ESRRG: variants seen among roughly 807,000 people sequenced by gnomAD.
ESRRG encodes estrogen-related receptor gamma.
A neutral mutation model predicts 44.0 loss-of-function variants in ESRRG; 13 were observed. The observed-to-expected ratio is 0.30, with a 90% CI of 0.19 to 0.47. The LOEUF (loss-of-function observed/expected upper bound fraction) is 0.47. Ranked by LOEUF, ESRRG falls within the 20% of genes least tolerant of loss-of-function variation. ESRRG has a pLI of 1.00. For missense variants in ESRRG, 395 were observed against 580.6 expected (o/e 0.68, Z 3.29); for synonymous variants, 215 against 214.6 (o/e 1.00, Z -0.02).
intron 2 of ESRRG, among the ~76,000 whole-genome samples, chr1:216,784,664 T>C (rs2094059032): frequency 1.3e-5 from 2 of 152,120 alleles, no homozygotes; most frequent in Admixed American, 1.3e-4. Flanking sequence ...ATCAATGTTT[T>C]ACTGAGCACA....
At chr1:216,538,668 T>C (rs560676685) in intron 5 of ESRRG, among the ~76,000 whole-genome samples, 1 of 152,034 alleles carries the variant, frequency 6.6e-6, no homozygotes, top group Non-Finnish European at 1.5e-5. Context: ...TTAAATGAAC[T>C]CTACCCATCT....
At chr1:216,655,047 G>A (rs973470718) in intron 2 of ESRRG, among the ~76,000 whole-genome samples, 1 of 152,142 alleles carries the variant, frequency 6.6e-6, no homozygotes, top group African/African-American at 2.4e-5. Context: ...AATGATATGA[G>A]AGTTTTAGAT....
At chr1:216,699,925 T>C (rs2081051991) in intron 1 of ESRRG, among the ~76,000 whole-genome samples, 1 of 152,236 alleles carries the variant, frequency 6.6e-6, no homozygotes, top group Non-Finnish European at 1.5e-5. Context: ...TTTAAAGGAA[T>C]TCCTATTTCT....
At chr1:217,065,208 T>C (rs2089428394) in intron 1 of ESRRG, among the ~76,000 whole-genome samples, 2 of 152,238 alleles carry the variant, frequency 1.3e-5, no homozygotes, top group South Asian at 4.1e-4. Flanking sequence ...TTTCCAGCTT[T>C]TGATGGCAAC....
At chr1:216,769,329 T>C (rs2093276731) in intron 2 of ESRRG, among the ~76,000 whole-genome samples, 1 of 152,148 alleles carries the variant, frequency 6.6e-6, no homozygotes, top group Non-Finnish European at 1.5e-5. Context: ...CATTGAATAA[T>C]GGGTTTTCAC....
intron 2 of ESRRG, among the ~76,000 whole-genome samples, chr1:216,811,430 CA>C (rs996978982): frequency 6.6e-6 from 1 of 151,856 alleles, no homozygotes; most frequent in African/African-American, 2.4e-5. Context: ...TAACAATGCT[CA>C]AAAAAAATCA....
At chr1:216,622,963 C>A (rs1280966660) in intron 3 of ESRRG, among the ~76,000 whole-genome samples, 1 of 151,324 alleles carries the variant, frequency 6.6e-6, no homozygotes, top group African/African-American at 2.4e-5. Flanking sequence ...TAGAAGATAT[C>A]ATCATGTTTA....
intron 2 of ESRRG, among the ~76,000 whole-genome samples, chr1:216,815,538 T>C (rs1351939531): frequency 6.6e-6 from 1 of 152,198 alleles, no homozygotes; most frequent in Non-Finnish European, 1.5e-5. Flanking sequence ...CTCTCTCCTT[T>C]TGGGGCTCTG....
At chr1:216,959,895 G>A (rs144769487) in intron 1 of ESRRG, among the ~76,000 whole-genome samples, 2 of 152,154 alleles carry the variant, frequency 1.3e-5, no homozygotes, top group East Asian at 1.9e-4. Flanking sequence ...CCTATACTGA[G>A]CACTTACTGA....
chr1:216,912,126 A>G (rs1230778255), intron 2 of ESRRG, among the ~76,000 whole-genome samples: 4 of 18,906 alleles, frequency 2.1e-4, no homozygotes, highest in Non-Finnish European at 3.7e-4. Context: ...AAAAGAAAAG[A>G]AAAGAAAAGA....
chr1:216,960,502 T>C (rs1197119399), intron 1 of ESRRG, among the ~76,000 whole-genome samples: 1 of 152,204 alleles, frequency 6.6e-6, no homozygotes, highest in Non-Finnish European at 1.5e-5. Context: ...TTTTTCAAGA[T>C]GGTATCATAC....
At chr1:217,022,392 T>A (rs559127454) in intron 1 of ESRRG, among the ~76,000 whole-genome samples, 1 of 152,252 alleles carries the variant, frequency 6.6e-6, no homozygotes, top group African/African-American at 2.4e-5. Context: ...TCAGAGAACT[T>A]GATTATTAAC....
chr1:216,584,347 G>A (rs541723556), intron 3 of ESRRG, among the ~76,000 whole-genome samples: 25 of 150,534 alleles, frequency 1.7e-4, no homozygotes, highest in South Asian at 4.2e-4. Context: ...GGCTCTGCCC[G>A]CCGGGTTCAT....
At chr1:216,699,078 A>G (rs2080877061) in intron 1 of ESRRG, among the ~76,000 whole-genome samples, 1 of 152,194 alleles carries the variant, frequency 6.6e-6, no homozygotes, top group Non-Finnish European at 1.5e-5. Context: ...TCATCTGCTT[A>G]TTTACCTGCA....
At chr1:216,644,578 G>T (rs945019290) in intron 3 of ESRRG, among the ~76,000 whole-genome samples, 1 of 151,700 alleles carries the variant, frequency 6.6e-6, no homozygotes, top group East Asian at 1.9e-4. Flanking sequence ...ACAGGTGTGT[G>T]CCACCACACC....
At chr1:216,726,820 T>C (rs572400351), upstream of ESRRG, among the ~76,000 whole-genome samples, 9 of 152,186 alleles carry the variant, frequency 5.9e-5, no homozygotes, top group East Asian at 1.7e-3. Context: ...TAATGCACAG[T>C]CACCAAGCAG....
chr1:216,909,253 A>G (rs1052334282), intron 2 of ESRRG, among the ~76,000 whole-genome samples: 6 of 152,208 alleles, frequency 3.9e-5, no homozygotes, highest in Non-Finnish European at 7.3e-5. Context: ...TAAAATCTCA[A>G]TCAAAAGCAC....
At chr1:216,957,900 C>T (rs751092064) in intron 1 of ESRRG, among the ~76,000 whole-genome samples, 3 of 152,154 alleles carry the variant, frequency 2.0e-5, no homozygotes, top group Non-Finnish European at 4.4e-5. Flanking sequence ...ACAGGACATT[C>T]CTATCATCCC....
At chr1:217,067,844 G>A (rs2151421906) in intron 1 of ESRRG, among the ~76,000 whole-genome samples, 1 of 152,020 alleles carries the variant, frequency 6.6e-6, no homozygotes, top group African/African-American at 2.4e-5. Context: ...TCATTTCAAA[G>A]GGGAAAAAAA....
Sources: gnomAD v4.1 joint callset for allele counts (sites outside exome capture counted in the v4.1 genomes callset) on GRCh38, gnomAD v4.1.1 for gene constraint, MANE v1.5 for transcripts, NCBI Gene and HGNC (gene_info 2026-07-23, HGNC 2026-07-21) for gene names.